WWOX: variants seen among roughly 807,000 people sequenced by gnomAD.
WWOX encodes WW domain-containing oxidoreductase.
WWOX carries 69 observed loss-of-function variants against 46.2 expected under a neutral mutation model. The ratio of observed to expected loss-of-function variants is 1.49; its 90% CI spans 1.23 to 1.82. The LOEUF (loss-of-function observed/expected upper bound fraction) is 1.82, where lower values mean the gene tolerates loss of function less well. Among genes scored for constraint, WWOX ranks in the 40% most tolerant of loss-of-function variants. The pLI is 0.00. For synonymous variants in WWOX, 359 were observed against 202.6 expected (o/e 1.77, Z -6.56); for missense variants, 919 against 542.6 (o/e 1.69, Z -6.89).
intron 5 of WWOX, among the ~76,000 whole-genome samples, chr16:78,182,528 C>T (rs564134428): frequency 6.6e-5 from 10 of 152,136 alleles, no homozygotes; most frequent in African/African-American, 2.4e-4. Context: ...ATCTTTCCCA[C>T]AAAGCTTTCC....
chr16:78,296,616 C>A (rs2079947675), intron 5 of WWOX, among the ~76,000 whole-genome samples: 1 of 151,348 alleles, frequency 6.6e-6, no homozygotes, highest in Non-Finnish European at 1.5e-5. Context: ...ACTCTGTACA[C>A]AGGGGAAATA....
At chr16:79,160,233 T>A in intron 8 of WWOX, among the ~76,000 whole-genome samples, 1 of 152,174 alleles carries the variant, frequency 6.6e-6, no homozygotes, top group East Asian at 1.9e-4. Flanking sequence ...GAAGAGTGTT[T>A]TGATGTATAG....
chr16:78,773,862 C>A (rs555280929), intron 8 of WWOX, among the ~76,000 whole-genome samples: 1 of 152,302 alleles, frequency 6.6e-6, no homozygotes, highest in East Asian at 1.9e-4. Context: ...TTGTATTTAA[C>A]TTCTGTTGGC....
intron 5 of WWOX, among the ~76,000 whole-genome samples, chr16:78,375,542 T>A (rs1172780248): frequency 6.6e-6 from 1 of 152,208 alleles, no homozygotes; most frequent in Non-Finnish European, 1.5e-5. Flanking sequence ...ACTTTTTAAT[T>A]TACGATAAAT....
intron 8 of WWOX, among the ~76,000 whole-genome samples, chr16:79,191,109 A>G (rs1470686908): frequency 6.6e-6 from 1 of 152,176 alleles, no homozygotes; most frequent in Non-Finnish European, 1.5e-5. Context: ...GCTGGAGTGC[A>G]GTGGCACAAC....
chr16:78,122,523 A>T (rs984822756), intron 4 of WWOX, among the ~76,000 whole-genome samples: 5 of 152,224 alleles, frequency 3.3e-5, no homozygotes, highest in African/African-American at 1.2e-4. Context: ...CTTAAAACCC[A>T]ATTAAAATAA....
chr16:78,833,830 C>A (rs1188648494), intron 8 of WWOX, among the ~76,000 whole-genome samples: 1 of 152,252 alleles, frequency 6.6e-6, no homozygotes, highest in Non-Finnish European at 1.5e-5. Context: ...CAAGTGCAGG[C>A]TTCCAGCCAA....
chr16:78,104,753 CAT>C (rs1235363167), intron 1 of WWOX, among the ~76,000 whole-genome samples: 1 of 152,128 alleles, frequency 6.6e-6, no homozygotes, highest in Non-Finnish European at 1.5e-5. Context: ...TTAAAAAGAA[CAT>C]CTTTTAATTA....
Position 79,193,954 on chromosome 16 carries a change from A to G in WWOX, c.1057-17654A>G, listed in dbSNP as rs566128414. Among the ~76,000 whole-genome samples, 25 of 152,292 alleles carry G rather than the reference A, an allele frequency of 1.6e-4. No individual in the cohort carries two copies. In the South Asian group the frequency reaches 4.8e-3, roughly 29 times the overall value. On this transcript the variant is annotated intron_variant, in intron 8 of 8. Coordinates refer to ENST00000566780, the MANE Select transcript of WWOX (RefSeq NM_016373.4). ...CGTGAGTTTGGATCCCAGCTCTGCCACTTAGTAATTGTGTAGATTTGCACA... is the reference window on the plus strand; with the variant it reads ...CGTGAGTTTGGATCCCAGCTCTGCCGCTTAGTAATTGTGTAGATTTGCACA...
chr16:78,337,277 T>C (rs1482765086), intron 5 of WWOX, among the ~76,000 whole-genome samples: 2 of 152,180 alleles, frequency 1.3e-5, no homozygotes, highest in Admixed American at 6.5e-5. Context: ...TTTGTTTTTT[T>C]ATTCCTTTAT....
chr16:79,029,931 G>A (rs955189386), intron 8 of WWOX, among the ~76,000 whole-genome samples: 6 of 152,100 alleles, frequency 3.9e-5, no homozygotes, highest in Non-Finnish European at 7.3e-5. Context: ...GGTATAATAG[G>A]GGCCAAGAGC....
chr16:78,972,299 G>A (rs540603885), intron 8 of WWOX, among the ~76,000 whole-genome samples: 3 of 152,200 alleles, frequency 2.0e-5, no homozygotes, highest in South Asian at 4.2e-4. Flanking sequence ...TCAGAGTCTC[G>A]CATTATAAAT....
At chr16:79,088,402 G>A (rs1376732646) in intron 8 of WWOX, among the ~76,000 whole-genome samples, 3 of 152,184 alleles carry the variant, frequency 2.0e-5, no homozygotes, top group African/African-American at 7.2e-5. Context: ...ATAAAGACAG[G>A]GTTTGCTGAA....
intron 5 of WWOX, among the ~76,000 whole-genome samples, chr16:78,352,312 A>G (rs928397674): frequency 2.0e-5 from 3 of 152,194 alleles, no homozygotes; most frequent in Non-Finnish European, 2.9e-5. Context: ...AGAACCACAC[A>G]AAAGTTACAC....
Position 78,227,341 on chromosome 16 carries a change from CAT to C in WWOX, c.516+63053_516+63054del, listed in dbSNP as rs142649174. 0.02 allele frequency among the ~76,000 whole-genome samples: 3,099 copies of C among 152,216 alleles called. 181 individuals are homozygous for C. In the East Asian group the frequency reaches 0.22, roughly 11 times the overall value. On this transcript the variant is annotated intron_variant, in intron 5 of 8. Transcript: ENST00000566780. ...TATTTAAGGAGTCTTGGGAGGTAATCATGTGTTACCTGAGACTCTCCGCCCAT... is the reference window on the plus strand; with the variant it reads ...TATTTAAGGAGTCTTGGGAGGTAATCGTGTTACCTGAGACTCTCCGCCCAT...
chr16:78,374,793 G>A (rs1036664438), intron 5 of WWOX, among the ~76,000 whole-genome samples: 5 of 152,018 alleles, frequency 3.3e-5, no homozygotes, highest in South Asian at 2.1e-4. Context: ...CTTGTGGTCC[G>A]TCTGCCTCGG....
At chr16:79,027,706 C>G (rs755849016) in intron 8 of WWOX, among the ~76,000 whole-genome samples, 6 of 151,926 alleles carry the variant, frequency 3.9e-5, no homozygotes, top group Non-Finnish European at 5.9e-5. Context: ...CTTACTCTAC[C>G]CAAGTAATGA....
intron 8 of WWOX, among the ~76,000 whole-genome samples, chr16:78,901,393 T>C (rs1038552118): frequency 6.6e-6 from 1 of 152,208 alleles, no homozygotes; most frequent in Non-Finnish European, 1.5e-5. Flanking sequence ...TTTAATTCTT[T>C]CTCTTTTTTT....
chr16:78,927,783 C>T (rs2045532429), intron 8 of WWOX, among the ~76,000 whole-genome samples: 1 of 152,142 alleles, frequency 6.6e-6, no homozygotes. Context: ...GGGAATTTGC[C>T]TGTGTATCCT....
Sources: allele counts gnomAD v4.1 joint callset (sites outside exome capture counted in the v4.1 genomes callset), GRCh38; gene constraint gnomAD v4.1.1; transcripts MANE v1.5; gene names NCBI Gene and HGNC (gene_info 2026-07-23, HGNC 2026-07-21).